The following HYDIN variants were observed in gnomAD, a reference collection of about 807,000 sequenced individuals.
HYDIN encodes HYDIN axonemal central pair apparatus protein, also known as axonemal central pair apparatus protein HYDIN.
Under a neutral mutation model 403.9 loss-of-function variants are expected in HYDIN, and 132 were observed. That is an observed-to-expected ratio of 0.33 (90% CI 0.28 to 0.38). HYDIN has a LOEUF of 0.38. Ranked by LOEUF, HYDIN falls within the 10% of genes least tolerant of loss-of-function variation. The probability of loss-of-function intolerance (pLI) is 1.00; values close to 1 mark genes in which losing one functional copy is unlikely to be tolerated. For synonymous variants in HYDIN, 1,202 were observed against 1,891.7 expected (o/e 0.64, Z 9.46); for missense variants, 2,827 against 5,009.5 (o/e 0.56, Z 13.15).
At chr16:71,163,499 G>A (rs1206217362) in intron 5 of HYDIN, among the ~76,000 whole-genome samples, 1 of 152,156 alleles carries the variant, frequency 6.6e-6, no homozygotes, top group African/African-American at 2.4e-5. Flanking sequence ...CAAGTAATGA[G>A]TCTCCACTCC....
chr16:70,889,614 A>T lies in HYDIN; in HGVS notation c.9747T>A (p.Ile3249=). The T allele has an allele frequency of 1.6e-6, 1 of 617,230 alleles. No individual in the cohort carries two copies. The highest frequency in any genetic ancestry group is 2.8e-6 in the Non-Finnish European group (1 of 358,908). The allele number at this position is 617,230 out of a possible 1,614,324, so 38.2% of individuals were successfully genotyped here. ...SSRAAKFSDT[I]QKEVTTTGQA... ...GGCCTGTGGTGGTTACTTCTTTCTGAATCGTGTCAGAGAACTTGGCTGCTC... is the reference window on the plus strand; with the variant it reads ...GGCCTGTGGTGGTTACTTCTTTCTGTATCGTGTCAGAGAACTTGGCTGCTC... The change falls in exon 58 of 86, where the codon ATT becomes ATA. Residue 3249 remains isoleucine, a synonymous_variant. Transcript: ENST00000393567.
At chr16:71,084,379 C>A (rs1168262877) in intron 12 of HYDIN, among the ~76,000 whole-genome samples, 1 of 106,440 alleles carries the variant, frequency 9.4e-6, no homozygotes, top group Non-Finnish European at 1.7e-5. Context: ...GGATATTTAA[C>A]CCTATCTTTT....
intron 66 of HYDIN, 43 bp from the exon 67 acceptor site, chr16:70,866,372 G>C (rs566729584): frequency 2.4e-6 from 2 of 833,900 alleles, no homozygotes; most frequent in East Asian, 4.9e-5. Context: ...CAGAGCACAG[G>C]GACAGAAAAA....
chr16:70,826,745 C>CTCTG (rs1555536429), intron 83 of HYDIN, among the ~76,000 whole-genome samples: 8 of 122,718 alleles, frequency 6.5e-5, no homozygotes, highest in South Asian at 5.0e-4. Context: ...CTCTCTCTCT[C>CTCTG]TGTGTGTGTG....
intron 54 of HYDIN, among the ~76,000 whole-genome samples, 166 bp downstream of exon 54, chr16:70,895,815 T>C (rs1390248922): frequency 2.0e-5 from 3 of 151,566 alleles, no homozygotes. Flanking sequence ...TTACGATTTG[T>C]AGTCATGCTG....
intron 5 of HYDIN, among the ~76,000 whole-genome samples, chr16:71,163,895 C>G (rs1249811495): frequency 3.3e-5 from 5 of 152,082 alleles, no homozygotes; most frequent in Non-Finnish European, 7.3e-5. Context: ...ATGCGTAAGT[C>G]AGTTGAAACC....
At chr16:70,841,864 G>T (rs1798511) in intron 75 of HYDIN, among the ~76,000 whole-genome samples, 29,293 of 145,870 alleles carry the variant, frequency 0.2, 5,436 homozygotes, top group African/African-American at 0.51. Flanking sequence ...ACCATGAGCC[G>T]AAACATTTCT....
intron 1 of HYDIN, among the ~76,000 whole-genome samples, chr16:71,210,484 A>G (rs2088526179): frequency 6.6e-6 from 1 of 152,080 alleles, no homozygotes; most frequent in South Asian, 2.1e-4. Flanking sequence ...GAGGGGAACA[A>G]CAGACATTGT....
In HYDIN at chr16:71,197,700, C is replaced by T. The variant is rs551428605; in HGVS notation, c.-23-10782G>A. ...ACGCTCTCTCCCCATTAAAGGTAACCACTATCCTCACTTTTTGTAGAAATC... is the reference window on the plus strand; with the variant it reads ...ACGCTCTCTCCCCATTAAAGGTAACTACTATCCTCACTTTTTGTAGAAATC... On this transcript the variant is annotated intron_variant, in intron 1 of 85. Transcript: ENST00000393567. 2.0e-5 allele frequency among the ~76,000 whole-genome samples: 3 copies of T among 152,256 alleles called. No homozygotes were observed. The East Asian group carries it at 5.8e-4, about 29-fold the overall frequency.
At chr16:71,134,360 T>C (rs2084830133) in intron 8 of HYDIN, among the ~76,000 whole-genome samples, 1 of 152,216 alleles carries the variant, frequency 6.6e-6, no homozygotes, top group South Asian at 2.1e-4. Flanking sequence ...ATCTTTTAAC[T>C]ATAGAGGTTG....
intron 9 of HYDIN, among the ~76,000 whole-genome samples, chr16:71,126,670 A>G (rs1323307696): frequency 2.0e-5 from 3 of 152,160 alleles, no homozygotes; most frequent in Non-Finnish European, 4.4e-5. Flanking sequence ...GTAGGCCACT[A>G]GTGAGTCCTG....
chr16:70,821,355 T>C (rs1034585327), intron 83 of HYDIN, among the ~76,000 whole-genome samples: 7 of 151,542 alleles, frequency 4.6e-5, no homozygotes, highest in Admixed American at 3.3e-4. Context: ...AGAAGATCTA[T>C]TAACATGTTT....
chr16:71,201,608 G>C (rs2088017797), intron 1 of HYDIN, among the ~76,000 whole-genome samples: 1 of 152,210 alleles, frequency 6.6e-6, no homozygotes, highest in Non-Finnish European at 1.5e-5. Flanking sequence ...TGCTGCAAGA[G>C]AGGCAATGCT....
chr16:70,978,700 C>T (rs2078958451), intron 30 of HYDIN, among the ~76,000 whole-genome samples: 1 of 152,180 alleles, frequency 6.6e-6, no homozygotes, highest in Admixed American at 6.5e-5. Context: ...CTCATCTTGC[C>T]TCTCCTAGCT....
chr16:71,150,732 G>T (rs1391219657), intron 7 of HYDIN, among the ~76,000 whole-genome samples: 1 of 152,222 alleles, frequency 6.6e-6, no homozygotes, highest in Middle Eastern at 3.4e-3. Context: ...ATTCAAACTC[G>T]CTGCTTATTA....
chr16:71,153,128 T>TC (rs1191627327), intron 6 of HYDIN, among the ~76,000 whole-genome samples: 88 of 146,116 alleles, frequency 6.0e-4, no homozygotes, highest in African/African-American at 2.4e-3. Context: ...CCAGCCTTTG[T>TC]CCTCAAACAC....
chr16:70,836,098 G>A (rs1460721071), intron 77 of HYDIN, among the ~76,000 whole-genome samples: 2 of 152,130 alleles, frequency 1.3e-5, no homozygotes, highest in Non-Finnish European at 2.9e-5. Flanking sequence ...ATTACATGGG[G>A]CTGAAACTAG....
At chr16:70,872,841 T>A (rs1042047901) in intron 64 of HYDIN, among the ~76,000 whole-genome samples, 6 of 148,604 alleles carry the variant, frequency 4.0e-5, no homozygotes, top group Non-Finnish European at 9.0e-5. Flanking sequence ...TATCCATCCA[T>A]CATCCACCCA....
intron 6 of HYDIN, among the ~76,000 whole-genome samples, chr16:71,159,849 A>G (rs2144597937): frequency 6.6e-6 from 1 of 152,114 alleles, no homozygotes; most frequent in South Asian, 2.1e-4. Flanking sequence ...TGAAGGAAAA[A>G]TAAACACTTT....
Sources: gnomAD v4.1 joint callset for allele counts (sites outside exome capture counted in the v4.1 genomes callset) on GRCh38, gnomAD v4.1.1 for gene constraint, MANE v1.5 for transcripts, NCBI Gene and HGNC (gene_info 2026-07-23, HGNC 2026-07-21) for gene names.